The following YAF2 variants were observed in gnomAD, a reference collection of about 807,000 sequenced individuals.
YAF2 encodes the protein YY1 associated factor 2.
Under a neutral mutation model 20.1 loss-of-function variants are expected in YAF2, and 7 were observed. The ratio of observed to expected loss-of-function variants is 0.35; its 90% CI spans 0.20 to 0.65. The LOEUF is 0.65. YAF2 is among the 30% of genes least tolerant of loss of function. The pLI is 0.69. For synonymous variants in YAF2, 74 were observed against 76.0 expected, an observed-to-expected ratio of 0.97 and a Z score of 0.14; for missense variants, 151 against 219.2, an observed-to-expected ratio of 0.69 and a Z score of 1.96.
rs77768607 is a variant in YAF2 at position 42,187,937 on chromosome 12, G to C, written c.153-26172C>G. On this transcript the variant is annotated intron_variant, in intron 2 of 3. Transcript: ENST00000534854. ...GGGGAAGCCAGCTCTTATGTCATGGGGACACTCAAGCAGCCCTATGAGCCG... is the reference window on the plus strand; with the variant it reads ...GGGGAAGCCAGCTCTTATGTCATGGCGACACTCAAGCAGCCCTATGAGCCG... Among the ~76,000 whole-genome samples the C allele has an allele frequency of 5.6e-3, 847 of 152,192 alleles. 6 individuals carry two copies. Among genetic ancestry groups the C allele is most frequent in the African/African-American group, 0.019 (804 of 41,522 alleles).
intron 2 of YAF2, among the ~76,000 whole-genome samples, chr12:42,175,740 CAAAAAAAAAAAA>C (rs59476115): frequency 1.3e-4 from 6 of 45,016 alleles, no homozygotes; most frequent in Admixed American, 3.3e-4. Flanking sequence ...GACTCTGTCT[CAAAAAAAAAAAA>C]AAAAAAAAAA....
chr12:42,233,335 A>G, intron 2 of YAF2: 1 of 985,320 alleles, frequency 1.0e-6, no homozygotes, highest in South Asian at 4.7e-5. Context: ...ACCCAAACCA[A>G]TAATTCTATC....
rs981512821 is a variant in YAF2, at chr12:42,224,390, T to A, written c.152+13209A>T. ...AAGAATACAATATATTTCTTTTTTT[T>A]ATTATACTTTAAATTCTGGGATACA... On this transcript the variant is annotated intron_variant, in intron 2 of 3. Coordinates refer to ENST00000534854, the MANE Select transcript of YAF2 (RefSeq NM_005748.6). Among the ~76,000 whole-genome samples the A allele has an allele frequency of 3.3e-5, 5 of 152,320 alleles. No individual in the cohort carries two copies. In the South Asian group the frequency reaches 1.0e-3, roughly 32 times the overall value.
At chr12:42,234,915 G>A (rs1276663388) in intron 2 of YAF2, 3 of 848,878 alleles carry the variant, frequency 3.5e-6, no homozygotes, top group Non-Finnish European at 4.3e-6. Flanking sequence ...TTGAACCTGG[G>A]AGTTCGAGGC....
In YAF2 at chr12:42,158,210, G is replaced by A. The variant is rs1368164552; in HGVS notation, c.*2379C>T. On this transcript the variant is annotated 3_prime_UTR_variant, in exon 4 of 4. Transcript: ENST00000534854. ...ATTAATAAAAGTAAAATAATTTCAA[G>A]TCAACTTAATTCATTTCTCCAATCT... 1 of 152,084 alleles carries A rather than the reference G, an allele frequency of 6.6e-6. No individual in the cohort carries two copies. The highest frequency in any genetic ancestry group is 6.6e-5 in the Admixed American group (1 of 15,258). The allele number at this position is 152,084 out of a possible 1,614,324, so 9.4% of individuals were successfully genotyped here.
intron 2 of YAF2, among the ~76,000 whole-genome samples, chr12:42,185,443 AT>A (rs2066448175): frequency 6.6e-6 from 1 of 152,260 alleles, no homozygotes; most frequent in Non-Finnish European, 1.5e-5. Flanking sequence ...ACTGGCTTAA[AT>A]TTTGAAAGAA....
chr12:42,237,371 T>C, intron 2 of YAF2: 11 of 1,214,734 alleles, frequency 9.1e-6, no homozygotes, highest in Non-Finnish European at 1.1e-5. Flanking sequence ...CTTAAATAAT[T>C]TATTCTCTCT....
chr12:42,220,609 T>G (rs1344547392), intron 2 of YAF2, among the ~76,000 whole-genome samples: 1 of 152,168 alleles, frequency 6.6e-6, no homozygotes, highest in African/African-American at 2.4e-5. Flanking sequence ...ACTCCACAAA[T>G]GCACCAAGAG....
At chr12:42,172,238 G>C (rs2066068542) in intron 2 of YAF2, 1 of 152,198 alleles carries the variant, frequency 6.6e-6, no homozygotes, top group Non-Finnish European at 1.5e-5. Context: ...GGACTTTTGA[G>C]TTAAAGTTGC....
At chr12:42,237,129 A>G (rs1027781790) in intron 2 of YAF2, among the ~76,000 whole-genome samples, 16 of 152,258 alleles carry the variant, frequency 1.1e-4, no homozygotes, top group African/African-American at 2.9e-4. Flanking sequence ...TGACCCTTCC[A>G]GAAGTACATG....
chr12:42,232,569 G>C (rs184756325), intron 2 of YAF2: 2 of 985,382 alleles, frequency 2.0e-6, no homozygotes, highest in East Asian at 1.1e-4. Flanking sequence ...TGCTAGAAAG[G>C]CTCCTCAGAT....
intron 2 of YAF2, among the ~76,000 whole-genome samples, chr12:42,213,399 A>G (rs2067266975): frequency 2.0e-5 from 3 of 152,250 alleles, no homozygotes. Flanking sequence ...AAATTCTATT[A>G]TATTATTTAA....
At chr12:42,179,641 G>A (rs1269350008) in intron 2 of YAF2, among the ~76,000 whole-genome samples, 1 of 151,796 alleles carries the variant, frequency 6.6e-6, no homozygotes, top group Non-Finnish European at 1.5e-5. Flanking sequence ...ATATAAAAAT[G>A]AGCCAGGCGT....
At chr12:42,163,356 G>A (rs1385488547) in intron 2 of YAF2, among the ~76,000 whole-genome samples, 1 of 152,150 alleles carries the variant, frequency 6.6e-6, no homozygotes, top group South Asian at 2.1e-4. Flanking sequence ...AAGAAATTCA[G>A]ACTTGAATTT....
rs904933683 is a variant in YAF2 at position 42,158,084 on chromosome 12, A to G, written c.*2505T>C. 6.6e-6 allele frequency: 1 copy of G among 152,232 alleles called. No homozygotes were observed. Among genetic ancestry groups the G allele is most frequent in the East Asian group, 1.9e-4 (1 of 5,194 alleles). 9.4% of individuals were successfully genotyped at this position (152,232 alleles called of 1,614,324 possible). A position where few individuals can be genotyped will look rare whatever the true frequency, so the allele number is the denominator to read the frequency against. ...TAAACCTAGGTTCTGAATCTTTCGCATATTTTAACGTCAGTTCTGTTTATG... is the reference window on the plus strand; with the variant it reads ...TAAACCTAGGTTCTGAATCTTTCGCGTATTTTAACGTCAGTTCTGTTTATG... On this transcript the variant is annotated 3_prime_UTR_variant, in exon 4 of 4. Transcript: ENST00000534854.
At chr12:42,185,961 G>T (rs2066461960) in intron 2 of YAF2, among the ~76,000 whole-genome samples, 1 of 152,108 alleles carries the variant, frequency 6.6e-6, no homozygotes, top group African/African-American at 2.4e-5. Context: ...ACACTCTGGG[G>T]AGTCCGAAGC....
intron 2 of YAF2, chr12:42,237,273 A>C (rs1347247971): frequency 2.3e-6 from 1 of 441,840 alleles, no homozygotes. Context: ...CACTAACACA[A>C]CAATGCAGCC....
At chr12:42,210,252 A>C in intron 2 of YAF2, 2 of 591,870 alleles carry the variant, frequency 3.4e-6, no homozygotes, top group Non-Finnish European at 2.8e-6. Flanking sequence ...AAAAGAAGCT[A>C]TCCCAAGTAA....
chr12:42,177,878 A>G (rs1408898639), intron 2 of YAF2, among the ~76,000 whole-genome samples: 2 of 152,026 alleles, frequency 1.3e-5, no homozygotes, highest in African/African-American at 2.4e-5. Context: ...CTACTCTCCA[A>G]CTTCACTCCC....
Sources: allele counts gnomAD v4.1 joint callset (sites outside exome capture counted in the v4.1 genomes callset), GRCh38; gene constraint gnomAD v4.1.1; transcripts MANE v1.5; gene names NCBI Gene and HGNC (gene_info 2026-07-23, HGNC 2026-07-21).